The following GALNT13 variants were observed in gnomAD, a reference collection of about 807,000 sequenced individuals.
GALNT13 encodes the protein polypeptide N-acetylgalactosaminyltransferase 13.
GALNT13 carries 28 observed loss-of-function variants against 64.2 expected under a neutral mutation model. The observed-to-expected ratio is 0.44, with a 90% CI of 0.32 to 0.60. GALNT13 has a LOEUF of 0.60. Ranked by LOEUF, GALNT13 falls within the 20% of genes least tolerant of loss-of-function variation. The pLI is 0.05. For missense variants in GALNT13, 577 were observed against 669.8 expected (o/e 0.86, Z 1.53); for synonymous variants, 214 against 224.6 (o/e 0.95, Z 0.42).
At chr2:154,165,038 A>G (rs1362417125) in intron 4 of GALNT13, among the ~76,000 whole-genome samples, 1 of 152,144 alleles carries the variant, frequency 6.6e-6, no homozygotes, top group African/African-American at 2.4e-5. Context: ...GTGAAACTCT[A>G]ACACAAAATG....
At chr2:153,902,238 C>T (rs1380934493) in intron 2 of GALNT13, among the ~76,000 whole-genome samples, 1 of 151,812 alleles carries the variant, frequency 6.6e-6, no homozygotes, top group East Asian at 2.0e-4. Flanking sequence ...TTCATGCTCC[C>T]ACACTACTTT....
chr2:153,862,554 C>G, the GALNT13 span, among the ~76,000 whole-genome samples: 2 of 151,974 alleles, frequency 1.3e-5, no homozygotes, highest in Non-Finnish European at 2.9e-5. Context: ...ATATTCCACC[C>G]TAATATTTCT....
chr2:154,326,347 AG>A (rs1436675502), intron 9 of GALNT13, among the ~76,000 whole-genome samples: 4 of 151,924 alleles, frequency 2.6e-5, no homozygotes, highest in African/African-American at 4.8e-5. Context: ...AAAAAATACA[AG>A]TTAAATCTGA....
the GALNT13 span, among the ~76,000 whole-genome samples, chr2:153,093,216 G>A: frequency 2.7e-5 from 4 of 149,066 alleles, no homozygotes; most frequent in Non-Finnish European, 6.0e-5. Flanking sequence ...CATGATGAAG[G>A]ATCTTTCTTT....
intron 4 of GALNT13, among the ~76,000 whole-genome samples, chr2:154,205,271 A>G: frequency 6.6e-6 from 1 of 152,168 alleles, no homozygotes; most frequent in Non-Finnish European, 1.5e-5. Context: ...CTTTTACCTA[A>G]AGAAGCATTA....
the GALNT13 span, among the ~76,000 whole-genome samples, chr2:153,582,313 C>T: frequency 6.7e-6 from 1 of 149,322 alleles, no homozygotes; most frequent in South Asian, 2.3e-4. Flanking sequence ...TTCAGACTTG[C>T]TTTGTAATTT....
At chr2:153,363,300 C>T in the GALNT13 span, among the ~76,000 whole-genome samples, 1 of 152,154 alleles carries the variant, frequency 6.6e-6, no homozygotes, top group South Asian at 2.1e-4. Context: ...CGCAAATTGA[C>T]ACCCTAACAT....
intron 3 of GALNT13, among the ~76,000 whole-genome samples, chr2:154,073,529 G>A (rs986739287): frequency 3.3e-5 from 5 of 151,766 alleles, no homozygotes; most frequent in Admixed American, 6.6e-5. Flanking sequence ...ATAAACAAAC[G>A]TATTTTCATA....
At chr2:153,540,599 A>G in the GALNT13 span, among the ~76,000 whole-genome samples, 46,281 of 152,044 alleles carry the variant, frequency 0.3, 7,345 homozygotes, top group South Asian at 0.45. Flanking sequence ...ACAGCAGCCA[A>G]TGAAAGCAGC....
intron 3 of GALNT13, among the ~76,000 whole-genome samples, chr2:154,045,432 C>G (rs1474862702): frequency 1.3e-5 from 2 of 152,134 alleles, no homozygotes; most frequent in Non-Finnish European, 2.9e-5. Flanking sequence ...ACACGAAATG[C>G]TCTTTATTGC....
At position 153,917,299 on chromosome 2, in the gene GALNT13, G is replaced by A. The variant is rs538094732; in HGVS notation, c.-105+16292G>A. Among the ~76,000 whole-genome samples, 182 of 151,972 alleles carry A rather than the reference G, an allele frequency of 1.2e-3. 1 individual carries two copies. Among genetic ancestry groups the A allele is most frequent in the South Asian group, 3.1e-3 (15 of 4,814 alleles). On this transcript the variant is annotated intron_variant, in intron 2 of 12. Transcript: ENST00000392825. ...CTAATATTAAATATATGGATTGATG[G>A]GTTTTTACGTAGTTATATGCCTGCA...
the GALNT13 span, among the ~76,000 whole-genome samples, chr2:153,524,173 T>C: frequency 2.0e-5 from 3 of 152,212 alleles, no homozygotes; most frequent in Non-Finnish European, 4.4e-5. Flanking sequence ...GATTGTGGTA[T>C]ATAATTCATT....
At chr2:153,772,774 A>T in the GALNT13 span, among the ~76,000 whole-genome samples, 4 of 152,054 alleles carry the variant, frequency 2.6e-5, no homozygotes, top group African/African-American at 9.7e-5. Flanking sequence ...TCTGGCTTTT[A>T]TAGGTATTTT....
At chr2:153,636,321 A>T in the GALNT13 span, among the ~76,000 whole-genome samples, 2 of 152,116 alleles carry the variant, frequency 1.3e-5, no homozygotes, top group Non-Finnish European at 2.9e-5. Context: ...ACTACATTTT[A>T]AAAAATTAAA....
At chr2:153,731,622 G>C in the GALNT13 span, among the ~76,000 whole-genome samples, 1 of 151,940 alleles carries the variant, frequency 6.6e-6, no homozygotes, top group African/African-American at 2.4e-5. Flanking sequence ...TATAAATATA[G>C]GATTCAAACT....
chr2:153,963,386 A>G (rs1004270433), intron 3 of GALNT13, among the ~76,000 whole-genome samples: 2 of 152,230 alleles, frequency 1.3e-5, no homozygotes, highest in African/African-American at 4.8e-5. Context: ...TGCTACATTC[A>G]TACACAAGTC....
chr2:153,214,215 T>A, the GALNT13 span, among the ~76,000 whole-genome samples: 2 of 152,142 alleles, frequency 1.3e-5, no homozygotes, highest in African/African-American at 4.8e-5. Flanking sequence ...CAGCGTACAA[T>A]ACCCTTGAAT....
At chr2:153,087,796 T>C in the GALNT13 span, among the ~76,000 whole-genome samples, 1 of 152,174 alleles carries the variant, frequency 6.6e-6, no homozygotes, top group Non-Finnish European at 1.5e-5. Context: ...TTTGTATTTC[T>C]GTGGTATCAG....
chr2:153,252,892 G>A, the GALNT13 span, among the ~76,000 whole-genome samples: 1 of 152,174 alleles, frequency 6.6e-6, no homozygotes, highest in African/African-American at 2.4e-5. Context: ...ATAGTTTGAA[G>A]TCAGGTAGCG....
Sources: gnomAD v4.1 joint callset for allele counts (sites outside exome capture counted in the v4.1 genomes callset) on GRCh38, gnomAD v4.1.1 for gene constraint, MANE v1.5 for transcripts, NCBI Gene and HGNC (gene_info 2026-07-23, HGNC 2026-07-21) for gene names.